The following CLXN variants were observed in gnomAD, a reference collection of about 807,000 sequenced individuals.
The protein encoded by CLXN is EF-hand calcium binding domain 1.
chr8:48,727,771 A>C, the CLXN span, among the ~76,000 whole-genome samples: 11 of 152,198 alleles, frequency 7.2e-5, no homozygotes, highest in Non-Finnish European at 1.3e-4. Flanking sequence ...GTAGGGGATG[A>C]CAGTGGAAGC....
the CLXN span, chr8:48,724,565 T>A: frequency 2.1e-6 from 1 of 470,110 alleles, no homozygotes; most frequent in South Asian, 4.8e-5. Flanking sequence ...GGACTTCTTG[T>A]CTTCCATCTA....
the CLXN span, chr8:48,730,547 T>G: frequency 2.7e-5 from 44 of 1,606,936 alleles, no homozygotes; most frequent in African/African-American, 5.5e-4. Flanking sequence ...TACATTTCAT[T>G]TTTTCTTCCA....
the CLXN span, among the ~76,000 whole-genome samples, chr8:48,721,947 A>G: frequency 6.6e-6 from 1 of 152,228 alleles, no homozygotes; most frequent in Non-Finnish European, 1.5e-5. Flanking sequence ...GGATTGAATT[A>G]AACTTAAAAA....
chr8:48,729,815 A>C, the CLXN span: 1 of 1,613,476 alleles, frequency 6.2e-7, no homozygotes, highest in South Asian at 1.1e-5. Flanking sequence ...AACATGTGAA[A>C]CATTTCCTCC....
At chr8:48,732,173 A>G in the CLXN span, among the ~76,000 whole-genome samples, 4 of 152,310 alleles carry the variant, frequency 2.6e-5, no homozygotes, top group East Asian at 7.7e-4. Flanking sequence ...CCATGGTTAT[A>G]AATACCGAGT....
chr8:48,718,478 A>G, the CLXN span, among the ~76,000 whole-genome samples: 2 of 152,160 alleles, frequency 1.3e-5, no homozygotes, highest in Admixed American at 6.5e-5. Context: ...CCTAACAGAC[A>G]TGTACAGAAC....
At chr8:48,722,013 A>G in the CLXN span, among the ~76,000 whole-genome samples, 3 of 152,226 alleles carry the variant, frequency 2.0e-5, no homozygotes, top group Non-Finnish European at 4.4e-5. Context: ...ACTGGAGAAA[A>G]TATTTGCAAA....
the CLXN span, chr8:48,715,559 T>C: frequency 6.6e-6 from 1 of 152,194 alleles, no homozygotes; most frequent in Non-Finnish European, 1.5e-5. Context: ...AGAAGTCCAG[T>C]AGCCTTTGCC....
the CLXN span, chr8:48,729,666 G>T: frequency 6.8e-7 from 1 of 1,474,608 alleles, no homozygotes; most frequent in Non-Finnish European, 9.2e-7. Context: ...CTTATTTCTA[G>T]CCCATATCTG....
At chr8:48,731,348 C>T in the CLXN span, 1 of 1,605,102 alleles carries the variant, frequency 6.2e-7, no homozygotes, top group South Asian at 1.1e-5. Flanking sequence ...TGTCTCTTAC[C>T]TCTGTCCATA....
the CLXN span, chr8:48,729,115 G>T: frequency 1.2e-6 from 2 of 1,613,146 alleles, no homozygotes; most frequent in African/African-American, 2.7e-5. Flanking sequence ...TTCATAGTCT[G>T]CAAAAGACAG....
the CLXN span, among the ~76,000 whole-genome samples, chr8:48,718,280 A>G: frequency 6.6e-6 from 1 of 152,186 alleles, no homozygotes; most frequent in Non-Finnish European, 1.5e-5. Context: ...TAGTAGTTTT[A>G]AATATATATA....
the CLXN span, chr8:48,728,994 G>A: frequency 3.5e-6 from 5 of 1,422,464 alleles, no homozygotes; most frequent in Non-Finnish European, 4.9e-6. Context: ...GTCCTGGGTT[G>A]TTCTACATTC....
chr8:48,721,163 C>T, the CLXN span, among the ~76,000 whole-genome samples: 1 of 152,028 alleles, frequency 6.6e-6, no homozygotes, highest in African/African-American at 2.4e-5. Context: ...ACGTTTCTAC[C>T]CACAAATGAG....
chr8:48,731,800 G>A, the CLXN span, among the ~76,000 whole-genome samples: 3 of 152,186 alleles, frequency 2.0e-5, no homozygotes, highest in South Asian at 4.2e-4. Context: ...GTAGAAATAC[G>A]TCTCAAAATA....
chr8:48,720,417 A>G, the CLXN span, among the ~76,000 whole-genome samples: 4 of 152,182 alleles, frequency 2.6e-5, no homozygotes, highest in African/African-American at 7.2e-5. Flanking sequence ...GGGAAGGTCT[A>G]TAAATGGCCG....
the CLXN span, among the ~76,000 whole-genome samples, chr8:48,716,784 G>T: frequency 1.3e-5 from 2 of 151,754 alleles, no homozygotes; most frequent in Non-Finnish European, 2.9e-5. Flanking sequence ...AAAAAAAACA[G>T]TAAAAAAGAA....
the CLXN span, among the ~76,000 whole-genome samples, chr8:48,725,354 C>T: frequency 1.7e-4 from 26 of 152,216 alleles, no homozygotes; most frequent in African/African-American, 5.3e-4. Flanking sequence ...TAAATCTGGA[C>T]AATTCTTTCA....
At chr8:48,714,010 G>A in the CLXN span, 2 of 152,310 alleles carry the variant, frequency 1.3e-5, no homozygotes, top group East Asian at 1.9e-4. Flanking sequence ...GGAAGCCAAT[G>A]AGAGGAGCCA....
Sources: gnomAD v4.1 joint callset for allele counts (sites outside exome capture counted in the v4.1 genomes callset) on GRCh38, gnomAD v4.1.1 for gene constraint, MANE v1.5 for transcripts, NCBI Gene and HGNC (gene_info 2026-07-23, HGNC 2026-07-21) for gene names.